DOCK3: variants seen among roughly 807,000 people sequenced by gnomAD.
DOCK3 encodes the protein dedicator of cytokinesis 3, also known as dedicator of cytokinesis protein 3.
DOCK3 carries 60 observed loss-of-function variants against 265.6 expected under a neutral mutation model. That is an observed-to-expected ratio of 0.23 (90% CI 0.18 to 0.28). DOCK3 has a LOEUF of 0.28. Ranked by LOEUF, DOCK3 falls within the 10% of genes least tolerant of loss-of-function variation. The pLI, the probability that DOCK3 is intolerant of heterozygous loss-of-function variation, is 1.00. For synonymous variants in DOCK3, 881 were observed against 938.0 expected, an observed-to-expected ratio of 0.94 and a Z score of 1.11; for missense variants, 1,981 against 2,594.3, an observed-to-expected ratio of 0.76 and a Z score of 5.14.
At chr3:50,743,094 G>A (rs1559580247) in intron 1 of DOCK3, among the ~76,000 whole-genome samples, 1 of 151,782 alleles carries the variant, frequency 6.6e-6, no homozygotes, top group Non-Finnish European at 1.5e-5. Flanking sequence ...GCCAAACTAA[G>A]CTTCATAAGT....
chr3:50,948,985 TAAATG>T (rs1309271171), intron 5 of DOCK3, among the ~76,000 whole-genome samples: 1 of 152,180 alleles, frequency 6.6e-6, no homozygotes. Flanking sequence ...AGATGGCACT[TAAATG>T]AGGAAAAGGA....
intron 39 of DOCK3, among the ~76,000 whole-genome samples, chr3:51,349,994 G>A (rs999160162): frequency 6.6e-6 from 1 of 152,232 alleles, no homozygotes; most frequent in Admixed American, 6.5e-5. Flanking sequence ...AGTAAGCCCA[G>A]ATCTCTATAG....
intron 4 of DOCK3, among the ~76,000 whole-genome samples, chr3:50,909,595 CT>C (rs1414905407): frequency 8.4e-5 from 12 of 143,230 alleles, no homozygotes; most frequent in Non-Finnish European, 1.8e-4. Flanking sequence ...TTCTGGTGGG[CT>C]TTCCTTTGTA....
chr3:51,208,955 A>G (rs2089365364), intron 13 of DOCK3, 93 bp downstream of exon 13: 1 of 1,068,678 alleles, frequency 9.4e-7, no homozygotes, highest in Admixed American at 2.2e-5. Flanking sequence ...TGGCTGCTGT[A>G]TTCCCTACAG....
At chr3:50,797,756 G>A (rs1274345776) in intron 2 of DOCK3, among the ~76,000 whole-genome samples, 3 of 152,090 alleles carry the variant, frequency 2.0e-5, no homozygotes, top group African/African-American at 4.8e-5. Flanking sequence ...GGTTTTGTTT[G>A]CAATTCTGTG....
intron 23 of DOCK3, among the ~76,000 whole-genome samples, chr3:51,262,472 A>G (rs2108780643): frequency 3.3e-4 from 2 of 6,150 alleles, no homozygotes; most frequent in Non-Finnish European, 1.6e-3. Flanking sequence ...AACCAGTGCA[A>G]AAAGGCTGAA....
At chr3:50,928,238 A>G (rs912029089) in intron 4 of DOCK3, among the ~76,000 whole-genome samples, 81 of 151,712 alleles carry the variant, frequency 5.3e-4, no homozygotes, top group African/African-American at 1.8e-3. Context: ...CATCATCACA[A>G]TTCATCTCCA....
intron 5 of DOCK3, among the ~76,000 whole-genome samples, chr3:50,978,725 C>T (rs1486780857): frequency 1.3e-5 from 2 of 152,210 alleles, no homozygotes; most frequent in Non-Finnish European, 2.9e-5. Flanking sequence ...TGGGCAATGG[C>T]GGGCGCCCCT....
At chr3:51,199,770 T>G (rs909371777) in intron 12 of DOCK3, among the ~76,000 whole-genome samples, 1 of 152,170 alleles carries the variant, frequency 6.6e-6, no homozygotes, top group South Asian at 2.1e-4. Flanking sequence ...GCAGCCTAAC[T>G]GGGAGGCACC....
intron 9 of DOCK3, among the ~76,000 whole-genome samples, chr3:51,128,942 T>G (rs2084388546): frequency 6.6e-6 from 1 of 152,146 alleles, no homozygotes; most frequent in Non-Finnish European, 1.5e-5. Context: ...TCCTATCTAC[T>G]TGATTATTAA....
chr3:50,732,309 G>C (rs2038268733), intron 1 of DOCK3, among the ~76,000 whole-genome samples: 1 of 151,978 alleles, frequency 6.6e-6, no homozygotes, highest in Non-Finnish European at 1.5e-5. Context: ...ATGCATGCTG[G>C]ACTTAATACC....
chr3:51,326,074 G>T (rs1457733021), intron 32 of DOCK3, among the ~76,000 whole-genome samples: 1 of 146,564 alleles, frequency 6.8e-6, no homozygotes, highest in Non-Finnish European at 1.5e-5. Context: ...AAAAAAAAAG[G>T]CCAAAAAAAT....
In DOCK3 at chr3:51,362,582, C is replaced by T. The variant is rs757982186; in HGVS notation, c.5201C>T (p.Ser1734Phe). ...TCAGTCACCAACGTCTCTGTTCTGT[C>T]CTCGTCCCAGGCAAGCCCTTCTTCC... ...QGSVTNVSVL[S>F]SSQASPSSSS... is the part of the protein sequence containing the mutation. Residue 1734 changes from serine (S) to phenylalanine (F), a missense_variant, in exon 49 of 53, where the codon TCC (serine) becomes TTC (phenylalanine). Transcript: ENST00000266037. The T allele has an allele frequency of 1.2e-6, 2 of 1,614,024 alleles. No individual in the cohort carries two copies. Among genetic ancestry groups the T allele is most frequent in the South Asian group, 2.2e-5 (2 of 91,086 alleles).
intron 3 of DOCK3, among the ~76,000 whole-genome samples, chr3:50,871,419 T>G (rs758008821): frequency 2.0e-5 from 3 of 152,078 alleles, no homozygotes; most frequent in Non-Finnish European, 4.4e-5. Flanking sequence ...GTTATTTGCT[T>G]CTTTTCTCCT....
At position 51,131,563 on chromosome 3, in the gene DOCK3, A is replaced by G. The variant is rs112088446; in HGVS notation, c.747-14986A>G. On this transcript the variant is annotated intron_variant, in intron 9 of 52. Transcript: ENST00000266037. ...GGGGCCATGATTCTCTGTTTTTATA[A>G]TTCAAACAAGTCTTTTATCCGTTCA... Among the ~76,000 whole-genome samples, 7 of 152,234 alleles carry G rather than the reference A, an allele frequency of 4.6e-5. 2 individuals are homozygous for G. Among genetic ancestry groups the G allele is most frequent in the African/African-American group, 1.7e-4 (7 of 41,544 alleles).
chr3:51,249,502 G>A, intron 22 of DOCK3, among the ~76,000 whole-genome samples: 1 of 95,618 alleles, frequency 1.0e-5, no homozygotes, highest in African/African-American at 4.1e-5. Context: ...GGAGGGAGGT[G>A]GGGGGGTCAG....
chr3:51,245,332 G>A (rs1341204668), intron 21 of DOCK3, among the ~76,000 whole-genome samples: 2 of 151,104 alleles, frequency 1.3e-5, no homozygotes, highest in Non-Finnish European at 2.9e-5. Context: ...GCAAGTGTCT[G>A]TCTCAAAGAA....
intron 51 of DOCK3, among the ~76,000 whole-genome samples, chr3:51,377,165 T>C (rs1285641478): frequency 6.6e-6 from 1 of 152,002 alleles, no homozygotes; most frequent in Non-Finnish European, 1.5e-5. Flanking sequence ...TACGACTACA[T>C]CAAGGAGCTG....
intron 2 of DOCK3, among the ~76,000 whole-genome samples, chr3:50,838,872 C>T (rs913233149): frequency 2.6e-5 from 4 of 152,104 alleles, no homozygotes; most frequent in African/African-American, 7.2e-5. Flanking sequence ...AGTCATGGAA[C>T]GGATACATTT....
Sources: allele counts gnomAD v4.1 joint callset (sites outside exome capture counted in the v4.1 genomes callset), GRCh38; gene constraint gnomAD v4.1.1; transcripts MANE v1.5; gene names NCBI Gene and HGNC (gene_info 2026-07-23, HGNC 2026-07-21).